The following SIRPG variants were observed in gnomAD, a reference collection of about 807,000 sequenced individuals.
The protein encoded by SIRPG is signal regulatory protein gamma.
In SIRPG, 38 loss-of-function variants were observed where a neutral mutation model predicts 35.7. The ratio of observed to expected loss-of-function variants is 1.06; its 90% CI spans 0.82 to 1.40. The LOEUF is 1.40. SIRPG is among the 40% of genes most tolerant of loss of function. The probability of loss-of-function intolerance (pLI) is 0.00; values close to 1 mark genes in which losing one functional copy is unlikely to be tolerated. For synonymous variants in SIRPG, 215 were observed against 190.4 expected (o/e 1.13, Z -1.06); for missense variants, 519 against 483.0 (o/e 1.07, Z -0.70).
At chr20:1,636,980 C>T (rs1600201056) in intron 2 of SIRPG, among the ~76,000 whole-genome samples, 1 of 152,098 alleles carries the variant, frequency 6.6e-6, no homozygotes, top group African/African-American at 2.4e-5. Context: ...AACATGCAGC[C>T]CCTCATCTGC....
At chr20:1,683,962 A>C in the SIRPG span, among the ~76,000 whole-genome samples, 1 of 150,608 alleles carries the variant, frequency 6.6e-6, no homozygotes, top group Non-Finnish European at 1.5e-5. Context: ...AGGGTGAAAC[A>C]CCGTCTCAAA....
intron 4 of SIRPG, chr20:1,630,881 T>G (rs1360701248): frequency 2.0e-5 from 3 of 152,452 alleles, no homozygotes; most frequent in African/African-American, 7.2e-5. Context: ...GAGGACTCCG[T>G]GTTCTCAGAA....
At chr20:1,635,694 T>G in intron 3 of SIRPG, 95 bp from the exon 4 acceptor site, 4 of 1,311,272 alleles carry the variant, frequency 3.1e-6, no homozygotes, top group Non-Finnish European at 4.3e-6. Flanking sequence ...GGTGAGGGCA[T>G]CACCAGGACA....
chr20:1,649,181 C>G lies in SIRPG; in HGVS notation c.301G>C (p.Asp101His). The change falls in exon 2 of 6, where the codon GAC becomes CAC. Residue 101 changes from aspartate (D) to histidine (H), a missense_variant. Transcript: ENST00000303415. ...VSDLTKRNNMDFSIRISSITP... is the reference protein window; with the variant it reads ...VSDLTKRNNMHFSIRISSITP... ...ATGCTACTGATGCGGATGGAAAAGT[C>G]CATGTTGTTTCTCTTTGTGAGGTCT... 1 of 1,614,096 alleles carries G rather than the reference C, an allele frequency of 6.2e-7. No homozygotes were observed. Among genetic ancestry groups the G allele is most frequent in the East Asian group, 2.2e-5 (1 of 44,870 alleles).
chr20:1,659,927 G>A (rs868226469), upstream of SIRPG, among the ~76,000 whole-genome samples: 2 of 152,182 alleles, frequency 1.3e-5, no homozygotes, highest in African/African-American at 4.8e-5. Context: ...AATCACCAAA[G>A]ATTTGAGGAA....
chr20:1,633,932 C>A (rs190972175), intron 4 of SIRPG, among the ~76,000 whole-genome samples: 2 of 152,288 alleles, frequency 1.3e-5, no homozygotes, highest in East Asian at 3.9e-4. Context: ...TCCTCAGGGA[C>A]CCAGATTTAC....
chr20:1,656,290 A>G (rs1237631634), intron 1 of SIRPG, among the ~76,000 whole-genome samples: 1 of 152,228 alleles, frequency 6.6e-6, no homozygotes, highest in East Asian at 1.9e-4. Flanking sequence ...GTAGGGGACA[A>G]TGAACAGGTT....
Position 1,648,661 on chromosome 20 carries a change from T to TA in SIRPG, c.430+390dup, listed in dbSNP as rs886484262. Among the ~76,000 whole-genome samples the TA allele has an allele frequency of 7.3e-5, 11 of 151,438 alleles. 1 individual carries two copies. In the South Asian group the frequency reaches 2.1e-3, roughly 29 times the overall value. On this transcript the variant is annotated intron_variant, in intron 2 of 5. Coordinates refer to ENST00000303415, the MANE Select transcript of SIRPG (RefSeq NM_018556.4). ...ATAAAATAAAATAAATAAAAAAAAA[T>TA]AAAAAAAAGAATATACTTGGCCAGC...
intron 4 of SIRPG, among the ~76,000 whole-genome samples, chr20:1,633,011 T>A (rs1239449117): frequency 6.6e-6 from 1 of 152,146 alleles, no homozygotes; most frequent in Non-Finnish European, 1.5e-5. Context: ...GCAAGGCTGA[T>A]GAAGAAGAAA....
intron 5 of SIRPG, 82 bp downstream of exon 5, chr20:1,630,140 G>T: frequency 3.7e-6 from 4 of 1,073,206 alleles, no homozygotes; most frequent in South Asian, 1.4e-5. Flanking sequence ...CCCTGGTGCT[G>T]CATGGCATGT....
chr20:1,638,872 TTGC>T (rs777171802), intron 2 of SIRPG, among the ~76,000 whole-genome samples: 1 of 151,556 alleles, frequency 6.6e-6, no homozygotes, highest in Non-Finnish European at 1.5e-5. Flanking sequence ...CATGTGGTGT[TTGC>T]TTTTCTGTCC....
chr20:1,681,016 A>G, the SIRPG span, among the ~76,000 whole-genome samples: 4 of 152,248 alleles, frequency 2.6e-5, no homozygotes, highest in African/African-American at 9.6e-5. Context: ...CATAGTAGAT[A>G]TCCAATAAAT....
Position 1,636,415 on chromosome 20 carries a change from G to A in SIRPG, c.521C>T (p.Ser174Phe), listed in dbSNP as rs756766017. The A allele has an allele frequency of 6.8e-6, 11 of 1,614,240 alleles. No homozygotes were observed. In the East Asian group the frequency reaches 2.5e-4, roughly 36 times the overall value. ...VSFTCESHGF[S>F]PRDITLKWFK... ...CCATTTCAGGGTGATGTCTCTGGGA[G>A]AGAAGCCATGGGACTCACAGGTGAA... The change falls in exon 3 of 6, where the codon TCT becomes TTT. Residue 174 changes from serine to phenylalanine, a missense_variant. Transcript: ENST00000303415.
chr20:1,634,633 A>G (rs1293266304), intron 4 of SIRPG, among the ~76,000 whole-genome samples: 2 of 152,206 alleles, frequency 1.3e-5, no homozygotes, highest in Admixed American at 6.5e-5. Flanking sequence ...TAGAAAAAGT[A>G]GGGAGCACAA....
chr20:1,656,486 AT>A (rs1337718815), intron 1 of SIRPG, among the ~76,000 whole-genome samples: 1 of 152,346 alleles, frequency 6.6e-6, no homozygotes, highest in East Asian at 1.9e-4. Flanking sequence ...TGTAAAAAAA[AT>A]AATTTGAAAA....
At chr20:1,634,690 G>A (rs555125145) in intron 4 of SIRPG, among the ~76,000 whole-genome samples, 1 of 152,222 alleles carries the variant, frequency 6.6e-6, no homozygotes, top group Admixed American at 6.5e-5. Flanking sequence ...AGGAATAAGG[G>A]AAGGCAAAGG....
chr20:1,677,086 CAA>C, the SIRPG span, among the ~76,000 whole-genome samples: 2 of 145,512 alleles, frequency 1.4e-5, no homozygotes, highest in African/African-American at 5.7e-5. Context: ...GAAGTGAGGA[CAA>C]TGAGGCGCAG....
At chr20:1,638,050 A>G (rs999994707) in intron 2 of SIRPG, among the ~76,000 whole-genome samples, 3 of 152,252 alleles carry the variant, frequency 2.0e-5, no homozygotes, top group Non-Finnish European at 4.4e-5. Flanking sequence ...AAGTCAAGTC[A>G]TCAAGACACC....
chr20:1,669,089 G>A, the SIRPG span, among the ~76,000 whole-genome samples: 1 of 152,144 alleles, frequency 6.6e-6, no homozygotes, highest in Non-Finnish European at 1.5e-5. Context: ...CAAAGAGAGG[G>A]GAATATCGGC....
Sources: allele counts gnomAD v4.1 joint callset (sites outside exome capture counted in the v4.1 genomes callset), GRCh38; gene constraint gnomAD v4.1.1; transcripts MANE v1.5; gene names NCBI Gene and HGNC (gene_info 2026-07-23, HGNC 2026-07-21).